UGT2A1: variants seen among roughly 807,000 people sequenced by gnomAD.
UGT2A1 encodes UDP glucuronosyltransferase family 2 member A1 complex locus.
Under a neutral mutation model 45.4 loss-of-function variants are expected in UGT2A1, and 61 were observed. That is an observed-to-expected ratio of 1.34 (90% CI 1.09 to 1.66). The LOEUF (loss-of-function observed/expected upper bound fraction) is 1.66, where lower values mean the gene tolerates loss of function less well. Among genes scored for constraint, UGT2A1 ranks in the 40% most tolerant of loss-of-function variants. The probability of loss-of-function intolerance (pLI) is 0.00; values close to 1 mark genes in which losing one functional copy is unlikely to be tolerated. For synonymous variants in UGT2A1, 229 were observed against 196.2 expected, an observed-to-expected ratio of 1.17 and a Z score of -1.40; for missense variants, 649 against 574.3, an observed-to-expected ratio of 1.13 and a Z score of -1.33.
rs1393013756 is a variant in UGT2A1, at chr4:69,605,943, C to T, written c.848-6549G>A. ...GAGGCAATAATTAATAGCTTAGCAA[C>T]CAAAAAAAGTCCAGGACCAGATGGA... On this transcript the variant is annotated intron_variant, in intron 3 of 6. Coordinates refer to ENST00000286604, the MANE Select transcript of UGT2A1 (RefSeq NM_001252275.3). 5.9e-5 allele frequency among the ~76,000 whole-genome samples: 8 copies of T among 136,222 alleles called. 2 individuals carry two copies. Among genetic ancestry groups the T allele is most frequent in the Non-Finnish European group, 1.2e-4 (8 of 64,064 alleles). The allele number at this position is 136,222 out of a possible 152,430, so 89.4% of individuals were successfully genotyped here.
intron 2 of UGT2A1, among the ~76,000 whole-genome samples, chr4:69,641,006 A>C (rs1722023374): frequency 6.6e-6 from 1 of 151,930 alleles, no homozygotes; most frequent in Non-Finnish European, 1.5e-5. Flanking sequence ...ACATGAACAA[A>C]AGTCTATCTA....
At chr4:69,596,859 T>C (rs1363998847) in intron 4 of UGT2A1, among the ~76,000 whole-genome samples, 1 of 152,188 alleles carries the variant, frequency 6.6e-6, no homozygotes, top group East Asian at 1.9e-4. Flanking sequence ...GTCTCTGAAA[T>C]GTATAACTTA....
At chr4:69,592,320 A>G (rs1718638523) in intron 6 of UGT2A1, among the ~76,000 whole-genome samples, 1 of 152,192 alleles carries the variant, frequency 6.6e-6, no homozygotes, top group Non-Finnish European at 1.5e-5. Context: ...AAGCACCCAC[A>G]CAAATTCAGA....
At chr4:69,642,460 G>A (rs1349432985) in intron 2 of UGT2A1, among the ~76,000 whole-genome samples, 1 of 151,708 alleles carries the variant, frequency 6.6e-6, no homozygotes, top group Non-Finnish European at 1.5e-5. Flanking sequence ...AGAAAAAAAG[G>A]AAGACCTAAG....
chr4:69,632,692 T>C (rs992940202), intron 3 of UGT2A1, among the ~76,000 whole-genome samples: 8 of 152,054 alleles, frequency 5.3e-5, no homozygotes, highest in African/African-American at 1.9e-4. Flanking sequence ...GTTTGAGACC[T>C]GCCTGGCCAA....
chr4:69,641,289 T>C (rs981893059), intron 2 of UGT2A1, among the ~76,000 whole-genome samples: 2 of 151,978 alleles, frequency 1.3e-5, no homozygotes, highest in Non-Finnish European at 2.9e-5. Flanking sequence ...CGCTTTTAAT[T>C]TGAGTTGATT....
rs892798438 is a variant in UGT2A1 at position 69,612,273 on chromosome 4, T to C, written c.848-12879A>G. ...AATTATTCCATATACTATCGTGAGT[T>C]GGAAGATAGCTCATGAGTTGGAAAA... On this transcript the variant is annotated intron_variant, in intron 3 of 6. Transcript: ENST00000286604. Among the ~76,000 whole-genome samples, 3 of 152,036 alleles carry C rather than the reference T, an allele frequency of 2.0e-5. No individual in the cohort carries two copies. In the East Asian group the frequency reaches 5.8e-4, roughly 29 times the overall value.
At chr4:69,595,440 C>T (rs1453337194) in intron 4 of UGT2A1, among the ~76,000 whole-genome samples, 191 bp from the exon 5 acceptor site, 1 of 152,112 alleles carries the variant, frequency 6.6e-6, no homozygotes, top group Non-Finnish European at 1.5e-5. Context: ...TACTAATAGT[C>T]TACCAAGTAT....
intron 3 of UGT2A1, among the ~76,000 whole-genome samples, chr4:69,621,945 G>C (rs1309728436): frequency 6.6e-6 from 1 of 151,824 alleles, no homozygotes. Context: ...TTACAAGTTA[G>C]AGCTAAATGA....
chr4:69,589,348 T>C lies in UGT2A1; in HGVS notation c.*24A>G, dbSNP rs764039351. 3.2e-6 allele frequency: 5 copies of C among 1,580,476 alleles called. No individual in the cohort carries two copies. The Admixed American group carries it at 5.5e-5, about 17-fold the overall frequency. On this transcript the variant is annotated 3_prime_UTR_variant, in exon 7 of 7. Coordinates refer to ENST00000286604, the MANE Select transcript of UGT2A1 (RefSeq NM_001252275.3). ...CAGGATTTTGCCAAACTTAAAAATA[T>C]ATATATTTCCTCTTTTTCTTGACCT...
intron 1 of UGT2A1, among the ~76,000 whole-genome samples, chr4:69,648,097 C>A (rs1217331223): frequency 6.6e-6 from 1 of 151,334 alleles, no homozygotes; most frequent in Non-Finnish European, 1.5e-5. Context: ...ATTTTTAATG[C>A]ATGAATATAA....
chr4:69,597,715 AACACAC>A (rs71671445), intron 4 of UGT2A1, among the ~76,000 whole-genome samples: 2 of 150,254 alleles, frequency 1.3e-5, no homozygotes, highest in Non-Finnish European at 3.0e-5. Flanking sequence ...TCATTAAAAT[AACACAC>A]ACACACACAC....
chr4:69,614,534 A>T (rs1160181402), intron 3 of UGT2A1, among the ~76,000 whole-genome samples: 4 of 152,016 alleles, frequency 2.6e-5, no homozygotes, highest in African/African-American at 9.7e-5. Flanking sequence ...AGCAAAAAGA[A>T]CAAAGTTGGA....
At chr4:69,648,635 C>G (rs1722387951) in intron 1 of UGT2A1, among the ~76,000 whole-genome samples, 1 of 151,772 alleles carries the variant, frequency 6.6e-6, no homozygotes, top group Admixed American at 6.6e-5. Flanking sequence ...AAAAAGAAAC[C>G]ACTGCCCAAA....
At position 69,647,590 on chromosome 4, in the gene UGT2A1, G is replaced by C. The variant is rs779712797; in HGVS notation, c.55C>G (p.Leu19Val). ...GGCCAAATCAAAACATTCCCACCAAGAGTGGTTCCTATGAGACTTATCTGA... is the reference window on the plus strand; with the variant it reads ...GGCCAAATCAAAACATTCCCACCAACAGTGGTTCCTATGAGACTTATCTGA... The part of the protein sequence containing the change: ...SLQISLIGTT[L>V]GGNVLIWPME... The change falls in exon 2 of 7, where the codon CTT (leucine) becomes GTT (valine). Residue 19 changes from leucine (L) to valine (V), a missense_variant. Coordinates refer to ENST00000286604, the MANE Select transcript of UGT2A1 (RefSeq NM_001252275.3). 3 of 1,609,280 alleles carry C rather than the reference G, an allele frequency of 1.9e-6. No individual in the cohort carries two copies. Among genetic ancestry groups the C allele is most frequent in the Admixed American group, 3.4e-5 (2 of 59,488 alleles).
chr4:69,624,618 C>T (rs1012683331), intron 3 of UGT2A1, among the ~76,000 whole-genome samples: 1 of 150,340 alleles, frequency 6.7e-6, no homozygotes, highest in Non-Finnish European at 1.5e-5. Flanking sequence ...ATTAAATATT[C>T]TTTTTTTGCT....
chr4:69,621,624 C>T (rs1052062507), intron 3 of UGT2A1, among the ~76,000 whole-genome samples: 2 of 151,728 alleles, frequency 1.3e-5, no homozygotes, highest in Non-Finnish European at 1.5e-5. Context: ...ACAGAACTAC[C>T]ATTAAACCCA....
intron 3 of UGT2A1, among the ~76,000 whole-genome samples, chr4:69,600,595 A>G (rs899049520): frequency 1.3e-5 from 2 of 152,166 alleles, no homozygotes; most frequent in Non-Finnish European, 2.9e-5. Context: ...TCTTATTCCC[A>G]TAAAGAAATA....
intron 6 of UGT2A1, among the ~76,000 whole-genome samples, chr4:69,590,697 T>C (rs571061357): frequency 1.3e-5 from 2 of 151,920 alleles, no homozygotes; most frequent in African/African-American, 4.8e-5. Flanking sequence ...AGAATATAAG[T>C]AAGTAATTTC....
Sources: gnomAD v4.1 joint callset for allele counts (sites outside exome capture counted in the v4.1 genomes callset) on GRCh38, gnomAD v4.1.1 for gene constraint, MANE v1.5 for transcripts, NCBI Gene and HGNC (gene_info 2026-07-23, HGNC 2026-07-21) for gene names.